Variants in DNM1 observed in about 807,000 individuals in gnomAD.
The protein encoded by DNM1 is dynamin-1.
Under a neutral mutation model 104.6 loss-of-function variants are expected in DNM1, and 29 were observed. That is an observed-to-expected ratio of 0.28 (90% CI 0.21 to 0.38). The LOEUF is 0.38. Among genes scored for constraint, DNM1 ranks in the 10% least tolerant of loss-of-function variants. DNM1 has a pLI of 1.00. For synonymous variants in DNM1, 445 were observed against 475.8 expected (o/e 0.94, Z 0.84); for missense variants, 640 against 1,189.4 (o/e 0.54, Z 6.79).
At position 128,248,542 on chromosome 9, in the gene DNM1, C is replaced by G. The variant is rs1343642085; in HGVS notation, c.1906-41C>G. ...CCTGGGGATGCCTGGAGCCTGGCTG[C>G]ATGGCCTGGCCACCTGATGCCCTTG... On this transcript the variant is annotated intron_variant, in intron 18 of 21. Transcript: ENST00000372923. The surrounding 1 kb of genome is among the most constrained non-coding windows in gnomAD (Gnocchi z 5.6). The G allele has an allele frequency of 6.3e-7, 1 of 1,598,272 alleles. No homozygotes were observed.
intron 10 of DNM1, among the ~76,000 whole-genome samples, chr9:128,230,077 G>A (rs550578969): frequency 6.3e-4 from 95 of 151,924 alleles, no homozygotes; most frequent in African/African-American, 2.2e-3. Flanking sequence ...AATTAGCTGG[G>A]TGTGGTGGCG....
chr9:128,209,119 C>T (rs1834143214), intron 1 of DNM1, among the ~76,000 whole-genome samples: 1 of 152,192 alleles, frequency 6.6e-6, no homozygotes, highest in Admixed American at 6.5e-5. Context: ...CTGCTCCAGC[C>T]TCTGCATGCT....
chr9:128,215,283 G>A (rs1267497365), intron 1 of DNM1, among the ~76,000 whole-genome samples: 1 of 152,232 alleles, frequency 6.6e-6, no homozygotes, highest in Admixed American at 6.5e-5. Context: ...AACTTAACAC[G>A]GAGTGTGGAA....
chr9:128,235,543 T>C (rs1835959355), intron 11 of DNM1, among the ~76,000 whole-genome samples: 1 of 152,234 alleles, frequency 6.6e-6, no homozygotes, highest in Non-Finnish European at 1.5e-5. Context: ...AATATTCCAT[T>C]GTATGGATGG....
intron 1 of DNM1, among the ~76,000 whole-genome samples, chr9:128,207,522 G>C (rs1193229929): frequency 6.6e-6 from 1 of 151,778 alleles, no homozygotes; most frequent in Non-Finnish European, 1.5e-5. Context: ...CTCCTCTAGG[G>C]CCAAGAGTGG....
chr9:128,246,573 A>AG (rs35049315), intron 16 of DNM1, 70 bp downstream of exon 16: 5 of 1,169,524 alleles, frequency 4.3e-6, no homozygotes, highest in Non-Finnish European at 5.1e-6. Context: ...AGCTGGGTAC[A>AG]GGGATCCAGG....
chr9:128,214,458 G>A (rs945424813), intron 1 of DNM1, among the ~76,000 whole-genome samples: 6 of 152,144 alleles, frequency 3.9e-5, no homozygotes, highest in African/African-American at 1.2e-4. Context: ...CTGGGTGCAC[G>A]CCCAGTTAAG....
chr9:128,237,441 T>C (rs1306032768), intron 11 of DNM1, among the ~76,000 whole-genome samples: 1 of 151,978 alleles, frequency 6.6e-6, no homozygotes, highest in African/African-American at 2.4e-5. Context: ...TTTGTATTTT[T>C]GTAGAGACAG....
chr9:128,235,312 G>C (rs1023140686), intron 11 of DNM1, among the ~76,000 whole-genome samples: 1 of 151,960 alleles, frequency 6.6e-6, no homozygotes, highest in Non-Finnish European at 1.5e-5. Flanking sequence ...TGGCCAACAT[G>C]GTGAAACCCC....
At position 128,246,454 on chromosome 9, in the gene DNM1, G is replaced by A; in HGVS notation, c.1732G>A (p.Gly578Ser). 1 of 1,614,096 alleles carries A rather than the reference G, an allele frequency of 6.2e-7. No individual in the cohort carries two copies. Among genetic ancestry groups the A allele is most frequent in the Non-Finnish European group, 8.5e-7 (1 of 1,179,996 alleles). ...DNLKLRDVEK[G>S]FMSSKHIFAL... ...CCTCAAGCTGCGGGACGTGGAGAAGGGCTTTATGTCGAGCAAGCATATCTT... is the reference window on the plus strand; with the variant it reads ...CCTCAAGCTGCGGGACGTGGAGAAGAGCTTTATGTCGAGCAAGCATATCTT... Residue 578 changes from glycine (G) to serine (S), a missense_variant, in exon 16 of 22, where the codon GGC becomes AGC. Physicochemically the swap from Gly to Ser is moderately conservative, Grantham distance 56 (BLOSUM62 0). This residue lies in a region of DNM1 where 91 missense variants were observed against 256.3 expected (regional missense o/e 0.36). Transcript: ENST00000372923.
chr9:128,228,869 G>C (rs1354332192), intron 10 of DNM1, among the ~76,000 whole-genome samples: 6 of 152,028 alleles, frequency 3.9e-5, no homozygotes, highest in Non-Finnish European at 8.8e-5. Flanking sequence ...TGTAGTCCCA[G>C]CTACTCAGGA....
intron 10 of DNM1, chr9:128,231,919 C>G (rs889155759): frequency 2.3e-6 from 1 of 440,604 alleles, no homozygotes; most frequent in Non-Finnish European, 4.5e-6. Context: ...TGACTGCTAA[C>G]CCGGTGGGCT....
At chr9:128,238,829 G>C (rs1240194491) in intron 11 of DNM1, among the ~76,000 whole-genome samples, 1 of 149,112 alleles carries the variant, frequency 6.7e-6, no homozygotes, top group Non-Finnish European at 1.5e-5. Context: ...CTAATTTTTT[G>C]TATTTTTAGT....
Position 128,218,427 on chromosome 9 carries a change from G to C in DNM1, c.235+123G>C. On this transcript the variant is annotated intron_variant, in intron 2 of 21. Transcript: ENST00000372923. This position sits in a 1 kb window ranked among gnomAD's most constrained non-coding sequence, Gnocchi z 4.8. The stretch of plus-strand genomic sequence containing the variant: ...GTGACTGTGGGCCTCGTTCCCCTTA[G>C]GGATAGCGGGGATCAAAATACATAA... 1.4e-6 allele frequency: 2 copies of C among 1,406,736 alleles called. No individual in the cohort carries two copies. Among genetic ancestry groups the C allele is most frequent in the East Asian group, 2.3e-5 (1 of 43,610 alleles). 87.1% of individuals were successfully genotyped at this position (1,406,736 alleles called of 1,614,324 possible).
intron 11 of DNM1, among the ~76,000 whole-genome samples, chr9:128,236,133 A>G (rs541464679): frequency 3.7e-4 from 56 of 152,082 alleles, no homozygotes; most frequent in Admixed American, 1.2e-3. Flanking sequence ...CCCACCTTTT[A>G]TGTCATCGTT....
intron 1 of DNM1, among the ~76,000 whole-genome samples, chr9:128,204,558 C>A (rs1455804816): frequency 6.6e-6 from 1 of 152,210 alleles, no homozygotes; most frequent in Non-Finnish European, 1.5e-5. Context: ...GCGGGGCAGG[C>A]AGGGTCGTGA....
intron 21 of DNM1, chr9:128,252,303 G>A (rs1829578921): frequency 5.7e-6 from 2 of 351,610 alleles, no homozygotes; most frequent in South Asian, 2.2e-5. Flanking sequence ...GTGATGTAAG[G>A]TTTGATGCCT....
At chr9:128,252,675 T>A in intron 21 of DNM1, 1 of 456,628 alleles carries the variant, frequency 2.2e-6, no homozygotes. Context: ...CACAGAAGGC[T>A]CTTAGGTGGA....
Position 128,218,897 on chromosome 9 carries a change from T to C in DNM1, c.386-152T>C. The C allele has an allele frequency of 7.8e-7, 1 of 1,284,372 alleles. No individual in the cohort carries two copies. Among genetic ancestry groups the C allele is most frequent in the Non-Finnish European group, 1.1e-6 (1 of 938,940 alleles). 79.6% of individuals were successfully genotyped at this position (1,284,372 alleles called of 1,614,324 possible). A position where few individuals can be genotyped will look rare whatever the true frequency, so the allele number is the denominator to read the frequency against. ...GATTCCGCCCACTTCCGGCCACGCCTCCAACAGACTGCCACTTTCGCCCTG... is the reference window on the plus strand; with the variant it reads ...GATTCCGCCCACTTCCGGCCACGCCCCCAACAGACTGCCACTTTCGCCCTG... On this transcript the variant is annotated intron_variant, in intron 3 of 21. Coordinates refer to ENST00000372923, the MANE Select transcript of DNM1 (RefSeq NM_004408.4). The surrounding 1 kb of genome is among the most constrained non-coding windows in gnomAD (Gnocchi z 4.8).
Sources: allele counts gnomAD v4.1 joint callset (sites outside exome capture counted in the v4.1 genomes callset), GRCh38; gene constraint gnomAD v4.1.1; regional missense constraint gnomAD v4.1.1; non-coding constraint Gnocchi (gnomAD v3.1); transcripts MANE v1.5; gene names NCBI Gene and HGNC (gene_info 2026-07-23, HGNC 2026-07-21).